TOX2: variants seen among roughly 807,000 people sequenced by gnomAD.
TOX2 encodes the protein TOX high mobility group box family member 2, also known as granulosa cell HMG box 1.
TOX2 carries 15 observed loss-of-function variants against 47.4 expected under a neutral mutation model. The ratio of observed to expected loss-of-function variants is 0.32; its 90% CI spans 0.21 to 0.49. The LOEUF (loss-of-function observed/expected upper bound fraction) is 0.49, where lower values mean the gene tolerates loss of function less well. Among genes scored for constraint, TOX2 ranks in the 20% least tolerant of loss-of-function variants. The probability of loss-of-function intolerance (pLI) is 0.99; values close to 1 mark genes in which losing one functional copy is unlikely to be tolerated. For missense variants in TOX2, 622 were observed against 673.1 expected (o/e 0.92, Z 0.84); for synonymous variants, 290 against 296.6 (o/e 0.98, Z 0.23).
intron 8 of TOX2, among the ~76,000 whole-genome samples, chr20:44,067,705 C>A (rs544388807): frequency 5.4e-4 from 82 of 152,146 alleles, no homozygotes; most frequent in Non-Finnish European, 1.1e-3. Context: ...TGGATCCACG[C>A]CACCCCAACT....
chr20:44,020,152 C>T lies in TOX2; in HGVS notation c.411+13360C>T, dbSNP rs566527929. Among the ~76,000 whole-genome samples, 5 of 152,276 alleles carry T rather than the reference C, an allele frequency of 3.3e-5. No individual in the cohort carries two copies. In the South Asian group the frequency reaches 1.0e-3, roughly 32 times the overall value. ...ATTAGAGATGCTATCTGGAGCCGCG[C>T]TAGAGGGAGGTCTGCCTGGTCCCAC... is the stretch of plus-strand genomic sequence containing the variant. On this transcript the variant is annotated intron_variant, in intron 3 of 8. Transcript: ENST00000341197.
At chr20:43,945,667 T>G in intron 1 of TOX2, 1 of 469,446 alleles carries the variant, frequency 2.1e-6, no homozygotes, top group Non-Finnish European at 3.9e-6. Context: ...AGGGGCTGCC[T>G]CCCCTTCTGC....
chr20:43,919,674 TC>T (rs1384515805), intron 1 of TOX2, among the ~76,000 whole-genome samples: 7 of 152,066 alleles, frequency 4.6e-5, no homozygotes, highest in Non-Finnish European at 1.0e-4. Flanking sequence ...ACTCCCTCCC[TC>T]CCCCCGGCAC....
At chr20:44,019,174 T>G (rs2070939603) in intron 3 of TOX2, among the ~76,000 whole-genome samples, 1 of 152,220 alleles carries the variant, frequency 6.6e-6, no homozygotes, top group Non-Finnish European at 1.5e-5. Context: ...CAAACATCAT[T>G]TTTGGAGACT....
intron 2 of TOX2, among the ~76,000 whole-genome samples, chr20:43,998,010 G>T (rs2070508463): frequency 6.6e-6 from 1 of 152,152 alleles, no homozygotes; most frequent in Admixed American, 6.5e-5. Context: ...AAGAAAAGAG[G>T]TTTAATTGAT....
At chr20:43,941,977 A>G (rs966648860) in intron 1 of TOX2, among the ~76,000 whole-genome samples, 1 of 152,210 alleles carries the variant, frequency 6.6e-6, no homozygotes, top group Non-Finnish European at 1.5e-5. Context: ...TAATGATTCA[A>G]TTGTGAGTTT....
chr20:43,922,817 A>G (rs763516158), intron 1 of TOX2, among the ~76,000 whole-genome samples: 2 of 152,158 alleles, frequency 1.3e-5, no homozygotes, highest in Non-Finnish European at 2.9e-5. Context: ...TGGGTTTCTC[A>G]GATGTTCAAC....
At chr20:44,048,266 AAAGC>A (rs1434921107) in intron 3 of TOX2, among the ~76,000 whole-genome samples, 3 of 151,692 alleles carry the variant, frequency 2.0e-5, no homozygotes, top group Non-Finnish European at 4.4e-5. Flanking sequence ...AAAATTTTAA[AAAGC>A]AACGTGTATT....
At chr20:44,049,063 G>A (rs2071463987) in intron 3 of TOX2, among the ~76,000 whole-genome samples, 1 of 152,176 alleles carries the variant, frequency 6.6e-6, no homozygotes, top group African/African-American at 2.4e-5. Flanking sequence ...AGCCAAGATC[G>A]CGCCACTGCA....
At chr20:43,943,310 C>A (rs1406115447) in intron 1 of TOX2, among the ~76,000 whole-genome samples, 1 of 152,154 alleles carries the variant, frequency 6.6e-6, no homozygotes, top group Admixed American at 6.5e-5. Context: ...CCCTCTCCTA[C>A]AGATGGTGGG....
chr20:43,940,936 C>T (rs773401753), intron 1 of TOX2, among the ~76,000 whole-genome samples: 15 of 152,158 alleles, frequency 9.9e-5, no homozygotes, highest in South Asian at 2.1e-4. Context: ...GCTGTGAAGC[C>T]GACTTCATTA....
chr20:44,014,771 G>A (rs2070847055), intron 3 of TOX2, among the ~76,000 whole-genome samples: 1 of 152,182 alleles, frequency 6.6e-6, no homozygotes, highest in African/African-American at 2.4e-5. Context: ...CGGGGTTGGG[G>A]TGGCTTCAGC....
intron 6 of TOX2, 141 bp from the exon 7 acceptor site, chr20:44,065,571 A>C: frequency 1.0e-6 from 1 of 958,896 alleles, no homozygotes; most frequent in Non-Finnish European, 1.6e-6. Context: ...ACCCTGTGCT[A>C]TCTCTGGTTA....
intron 3 of TOX2, 95 bp downstream of exon 3, chr20:44,006,887 T>C (rs576898378): frequency 5.1e-5 from 75 of 1,469,830 alleles, no homozygotes; most frequent in Admixed American, 1.1e-4. Flanking sequence ...ATAAGAACTC[T>C]CTGCTCATGG....
In TOX2 at chr20:44,003,360, A is replaced by AT. The variant is rs940633024; in HGVS notation, c.166-3178dup. ...GGCCACACACCCAGTGAATTTTTGT[A>AT]TTTTTTTTTGTAGAGATGGGGTTTC... On this transcript the variant is annotated intron_variant, in intron 2 of 8. Coordinates refer to ENST00000341197, the MANE Select transcript of TOX2 (RefSeq NM_001098797.2). 4.3e-4 allele frequency among the ~76,000 whole-genome samples: 64 copies of AT among 149,880 alleles called. 1 individual carries two copies. The highest frequency in any genetic ancestry group is 1.1e-3 in the African/African-American group (45 of 40,814).
At chr20:43,926,153 A>G (rs6130480) in intron 1 of TOX2, among the ~76,000 whole-genome samples, 18,294 of 152,162 alleles carry the variant, frequency 0.12, 2,091 homozygotes, top group African/African-American at 0.29. Flanking sequence ...TTGTTTCATC[A>G]TGCTGTGTTT....
At position 44,064,829 on chromosome 20, in the gene TOX2, C is replaced by A; in HGVS notation, c.932C>A (p.Ala311Glu). 1.2e-6 allele frequency: 2 copies of A among 1,614,178 alleles called. No individual in the cohort carries two copies. The highest frequency in any genetic ancestry group is 1.1e-5 in the South Asian group (1 of 91,090). ...AAKKEYLKAL[A>E]AYRASLVSKS... is the part of the protein sequence containing the mutation. ...AAGAAGGAATATCTGAAGGCCCTGG[C>A]AGCCTACCGGGCTAGCCTCGTCTCC... Residue 311 changes from alanine (A) to glutamate (E), a missense_variant, in exon 6 of 9, where the codon GCA (alanine) becomes GAA (glutamate). Ala to Glu is a moderately radical substitution (Grantham distance 107, BLOSUM62 -1). Transcript: ENST00000341197.
intron 1 of TOX2, among the ~76,000 whole-genome samples, chr20:43,958,985 G>T (rs1013502777): frequency 2.0e-5 from 3 of 152,208 alleles, no homozygotes; most frequent in Non-Finnish European, 2.9e-5. Context: ...TTTTCTGGGA[G>T]AGAAAAGGCC....
chr20:44,035,835 A>G (rs2071230142), intron 3 of TOX2, among the ~76,000 whole-genome samples: 1 of 152,192 alleles, frequency 6.6e-6, no homozygotes, highest in African/African-American at 2.4e-5. Flanking sequence ...GTTTTAGGGG[A>G]GCACTCTCAG....
Sources: allele counts gnomAD v4.1 joint callset (sites outside exome capture counted in the v4.1 genomes callset), GRCh38; gene constraint gnomAD v4.1.1; transcripts MANE v1.5; gene names NCBI Gene and HGNC (gene_info 2026-07-23, HGNC 2026-07-21).